FHIT: variants seen among roughly 807,000 people sequenced by gnomAD.
FHIT encodes bis(5'-adenosyl)-triphosphatase.
In FHIT, 19 loss-of-function variants were observed where a neutral mutation model predicts 17.9. That is an observed-to-expected ratio of 1.06 (90% CI 0.74 to 1.56). The LOEUF (loss-of-function observed/expected upper bound fraction) is 1.56, where lower values mean the gene tolerates loss of function less well. Among genes scored for constraint, FHIT ranks in the 40% most tolerant of loss-of-function variants. FHIT has a pLI of 0.00. For synonymous variants in FHIT, 81 were observed against 69.7 expected (o/e 1.16, Z -0.81); for missense variants, 248 against 189.2 (o/e 1.31, Z -1.82).
chr3:59,811,330 C>G (rs1485917734), intron 8 of FHIT, among the ~76,000 whole-genome samples: 1 of 152,224 alleles, frequency 6.6e-6, no homozygotes, highest in Non-Finnish European at 1.5e-5. Flanking sequence ...TCAGCTTCTG[C>G]TTTTGTGTAG....
intron 7 of FHIT, among the ~76,000 whole-genome samples, chr3:59,948,673 T>C (rs1706958393): frequency 6.6e-6 from 1 of 152,166 alleles, no homozygotes; most frequent in Non-Finnish European, 1.5e-5. Flanking sequence ...TCCTAATGTA[T>C]GCAGTGATAA....
chr3:59,971,069 T>C (rs1445183520), intron 7 of FHIT, among the ~76,000 whole-genome samples: 2 of 151,914 alleles, frequency 1.3e-5, no homozygotes, highest in South Asian at 2.1e-4. Flanking sequence ...ACTCTGAAAT[T>C]GGGAATTAGG....
chr3:60,663,819 G>A (rs1435817925), intron 4 of FHIT, among the ~76,000 whole-genome samples: 6 of 152,122 alleles, frequency 3.9e-5, no homozygotes, highest in Non-Finnish European at 8.8e-5. Flanking sequence ...CACATTCTTT[G>A]TTAGCATGTA....
chr3:61,001,192 C>T (rs1369951173), intron 3 of FHIT, among the ~76,000 whole-genome samples: 1 of 152,170 alleles, frequency 6.6e-6, no homozygotes, highest in East Asian at 1.9e-4. Flanking sequence ...CACTAGATCA[C>T]TCAGACATTG....
chr3:60,312,057 C>T (rs1044489130), intron 5 of FHIT, among the ~76,000 whole-genome samples: 2 of 152,110 alleles, frequency 1.3e-5, no homozygotes, highest in African/African-American at 4.8e-5. Context: ...AATCTGAGTA[C>T]TTAGCATACA....
At chr3:59,980,750 T>C (rs1708617786) in intron 7 of FHIT, among the ~76,000 whole-genome samples, 1 of 152,150 alleles carries the variant, frequency 6.6e-6, no homozygotes, top group African/African-American at 2.4e-5. Context: ...AAAGTGGGCA[T>C]TCACCAGACA....
At chr3:60,036,969 G>C (rs1701243029) in intron 5 of FHIT, among the ~76,000 whole-genome samples, 1 of 152,166 alleles carries the variant, frequency 6.6e-6, no homozygotes, top group African/African-American at 2.4e-5. Context: ...GGAAGAAATT[G>C]CCTCTAGTGA....
At chr3:60,021,626 T>C (rs755313284) in intron 5 of FHIT, among the ~76,000 whole-genome samples, 1 of 152,192 alleles carries the variant, frequency 6.6e-6, no homozygotes, top group African/African-American at 2.4e-5. Context: ...TGATAATCAA[T>C]AACCCTTTGA....
chr3:60,418,368 GAA>G, intron 5 of FHIT, among the ~76,000 whole-genome samples: 1 of 42,454 alleles, frequency 2.4e-5, no homozygotes, highest in Admixed American at 2.3e-4. Flanking sequence ...ATATGTATCT[GAA>G]TGTGTGTATA....
intron 8 of FHIT, among the ~76,000 whole-genome samples, chr3:59,771,350 A>G (rs1047059197): frequency 6.6e-6 from 1 of 152,236 alleles, no homozygotes. Context: ...ACCTTTATCC[A>G]GGAGGAAAAG....
intron 5 of FHIT, among the ~76,000 whole-genome samples, chr3:60,042,587 A>C (rs11917585): frequency 0.013 from 1,908 of 152,064 alleles, 19 homozygotes; most frequent in African/African-American, 0.026. Context: ...TGCTATGTCT[A>C]AATTTCCCTT....
chr3:60,547,286 T>C (rs947952943), intron 4 of FHIT, among the ~76,000 whole-genome samples: 1 of 152,150 alleles, frequency 6.6e-6, no homozygotes, highest in African/African-American at 2.4e-5. Flanking sequence ...GTGGTTTCTG[T>C]AAGCCAGAGA....
chr3:61,058,093 GT>G (rs1325255522), intron 2 of FHIT, among the ~76,000 whole-genome samples: 2 of 152,050 alleles, frequency 1.3e-5, no homozygotes, highest in Admixed American at 6.5e-5. Flanking sequence ...TTACAAAGTT[GT>G]TGAAAGGATT....
Position 60,253,289 on chromosome 3 carries a change from G to T in FHIT, c.104-239137C>A, listed in dbSNP as rs114408513. 8.6e-3 allele frequency among the ~76,000 whole-genome samples: 1,306 copies of T among 152,246 alleles called. 9 individuals carry two copies. Among genetic ancestry groups the T allele is most frequent in the Middle Eastern group, 0.048 (14 of 294 alleles). On this transcript the variant is annotated intron_variant, in intron 5 of 9. Coordinates refer to ENST00000492590, the MANE Select transcript of FHIT (RefSeq NM_002012.4). ...AAAGGAAGATCTGTCATGATATTCTGAATCGACATTGTAAAAAGGAGAAAA... is the reference window on the plus strand; with the variant it reads ...AAAGGAAGATCTGTCATGATATTCTTAATCGACATTGTAAAAAGGAGAAAA...
chr3:59,760,266 T>C (rs1165449475), intron 8 of FHIT, among the ~76,000 whole-genome samples: 1 of 152,162 alleles, frequency 6.6e-6, no homozygotes, highest in Non-Finnish European at 1.5e-5. Context: ...GTTTAAGAAT[T>C]TGTAACCCCC....
intron 4 of FHIT, among the ~76,000 whole-genome samples, chr3:60,704,576 A>C (rs1347322603): frequency 6.6e-6 from 1 of 152,244 alleles, no homozygotes; most frequent in African/African-American, 2.4e-5. Flanking sequence ...TTATTGTTAC[A>C]TAGAGCAAGA....
At chr3:60,838,359 C>A (rs992590742) in intron 3 of FHIT, among the ~76,000 whole-genome samples, 7 of 151,972 alleles carry the variant, frequency 4.6e-5, no homozygotes, top group Non-Finnish European at 8.8e-5. Flanking sequence ...GTAGTCCCAG[C>A]GACTCAGGAG....
At chr3:60,971,520 A>ACC (rs200642362) in intron 3 of FHIT, among the ~76,000 whole-genome samples, 4,429 of 136,584 alleles carry the variant, frequency 0.032, 138 homozygotes, top group Admixed American at 0.084. Flanking sequence ...TTCTCCCTCA[A>ACC]TCTTTTTTTT....
intron 8 of FHIT, among the ~76,000 whole-genome samples, chr3:59,839,124 C>A (rs748591740): frequency 1.3e-5 from 2 of 152,034 alleles, no homozygotes; most frequent in Non-Finnish European, 2.9e-5. Flanking sequence ...TGAGACCAGC[C>A]TGGCCAACAT....
Sources: gnomAD v4.1 joint callset for allele counts (sites outside exome capture counted in the v4.1 genomes callset) on GRCh38, gnomAD v4.1.1 for gene constraint, MANE v1.5 for transcripts, NCBI Gene and HGNC (gene_info 2026-07-23, HGNC 2026-07-21) for gene names.